MTDH: variants seen among roughly 807,000 people sequenced by gnomAD.
The protein encoded by MTDH is protein LYRIC.
MTDH carries 34 observed loss-of-function variants against 72.7 expected under a neutral mutation model. That is an observed-to-expected ratio of 0.47 (90% confidence interval 0.36 to 0.62). The LOEUF (loss-of-function observed/expected upper bound fraction) is 0.62. Ranked by LOEUF, MTDH falls within the 20% of genes least tolerant of loss-of-function variation. The pLI is 0.00. For missense variants in MTDH, 677 were observed against 699.4 expected (o/e 0.97, Z 0.36); for synonymous variants, 266 against 268.9 (o/e 0.99, Z 0.10).
At chr8:97,718,577 A>G (rs1319374534) in intron 9 of MTDH, among the ~76,000 whole-genome samples, 1 of 150,212 alleles carries the variant, frequency 6.7e-6, no homozygotes, top group South Asian at 2.1e-4. Context: ...CTGGAGTGCA[A>G]TGGTGCGATC....
At chr8:97,711,778 TA>T (rs1211941336) in intron 8 of MTDH, among the ~76,000 whole-genome samples, 1 of 152,220 alleles carries the variant, frequency 6.6e-6, no homozygotes, top group Non-Finnish European at 1.5e-5. Flanking sequence ...ACAGTAATCA[TA>T]AAAGTTATAA....
At chr8:97,675,761 C>T (rs1812818110) in intron 2 of MTDH, among the ~76,000 whole-genome samples, 1 of 149,194 alleles carries the variant, frequency 6.7e-6, no homozygotes, top group Non-Finnish European at 1.5e-5. Context: ...AGTCCCAGCT[C>T]CTTCGGAGGC....
Position 97,722,964 on chromosome 8 carries a change from T to G in MTDH, c.1607T>G (p.Val536Gly). The G allele has an allele frequency of 1.9e-6, 3 of 1,614,148 alleles. No homozygotes were observed. The highest frequency in any genetic ancestry group is 2.5e-6 in the Non-Finnish European group (3 of 1,179,986). Residue 536 changes from valine to glycine, a missense_variant, in exon 11 of 12, where the codon GTG becomes GGG. Physicochemically the swap from Val to Gly is moderately radical, Grantham distance 109. Around this residue, in one of 3 missense-constraint regions of MTDH, gnomAD observed 201 missense variants for 204.5 expected, o/e 0.98. Transcript: ENST00000336273. ...KSDSDKSSSQ[V>G]PPILQETDKS... The stretch of plus-strand genomic sequence containing the variant: ...GATTCTGACAAGAGCTCTTCCCAAG[T>G]GCCGCCAATACTACAAGAGACAGAT...
At chr8:97,670,970 T>TG (rs1812596720) in intron 2 of MTDH, among the ~76,000 whole-genome samples, 1 of 140,378 alleles carries the variant, frequency 7.1e-6, no homozygotes, top group African/African-American at 2.6e-5. Flanking sequence ...TTTTTTTTTT[T>TG]TTTTTTGAGA....
chr8:97,693,458 T>C (rs1262573277), intron 6 of MTDH, among the ~76,000 whole-genome samples: 1 of 152,008 alleles, frequency 6.6e-6, no homozygotes, highest in Non-Finnish European at 1.5e-5. Flanking sequence ...CTCAGCCTCC[T>C]AAGTAGCTGG....
chr8:97,703,264 T>G (rs945407505), intron 7 of MTDH, among the ~76,000 whole-genome samples: 1 of 152,124 alleles, frequency 6.6e-6, no homozygotes, highest in Non-Finnish European at 1.5e-5. Context: ...GAGTCTGAAG[T>G]GGAAGATCAC....
rs544898775 is a variant in MTDH, at chr8:97,687,368, A to G, written c.569-61A>G. On this transcript the variant is annotated intron_variant, in intron 3 of 11. Transcript: ENST00000336273. ...GTGCTCCACCCCATATTCTCCCCCA[A>G]AACTATAACTTTTTTGTCTTCCCCT... 1.0e-5 allele frequency: 15 copies of G among 1,460,276 alleles called. No homozygotes were observed. The African/African-American group carries it at 2.0e-4, about 19-fold the overall frequency. 90.5% of individuals were successfully genotyped at this position (1,460,276 alleles called of 1,614,324 possible).
chr8:97,680,272 G>C (rs1176574602), intron 2 of MTDH, among the ~76,000 whole-genome samples: 1 of 151,978 alleles, frequency 6.6e-6, no homozygotes, highest in Non-Finnish European at 1.5e-5. Context: ...CAGTTTTGCC[G>C]TGTTGCCCAG....
In MTDH at chr8:97,682,247, TATATATATATATATATATATATATATATA is replaced by T. The variant is rs1563542304; in HGVS notation, c.484-4420_484-4392del. ...TAATTACTTTATATATATATATATA[TATATATATATATATATATATATATATATA>T]TATATTTTTTTTTTTTTTTTTTTTT... On this transcript the variant is annotated intron_variant, in intron 2 of 11. Coordinates refer to ENST00000336273, the MANE Select transcript of MTDH (RefSeq NM_178812.4). Among the ~76,000 whole-genome samples, 30 of 6,760 alleles carry T rather than the reference TATATATATATATATATATATATATATATA, an allele frequency of 4.4e-3. 1 individual carries two copies. The highest frequency in any genetic ancestry group is 8.0e-3 in the Non-Finnish European group (25 of 3,132). The allele number at this position is 6,760 out of a possible 152,430, so 4.4% of individuals were successfully genotyped here.
intron 8 of MTDH, among the ~76,000 whole-genome samples, chr8:97,708,302 G>A (rs1359226358): frequency 1.4e-4 from 7 of 50,904 alleles, no homozygotes; most frequent in South Asian, 6.6e-4. Context: ...TTTTTTTTGA[G>A]ATGGAGTTTC....
intron 1 of MTDH, among the ~76,000 whole-genome samples, chr8:97,648,298 T>C (rs1811638751): frequency 6.6e-6 from 1 of 151,744 alleles, no homozygotes; most frequent in Non-Finnish European, 1.5e-5. Flanking sequence ...TTTTTGGAAA[T>C]TATTATCTTG....
intron 1 of MTDH, among the ~76,000 whole-genome samples, chr8:97,653,715 T>C (rs1811860505): frequency 6.6e-6 from 1 of 152,222 alleles, no homozygotes; most frequent in East Asian, 1.9e-4. Flanking sequence ...TTTTAAATTA[T>C]TATTCAAGCA....
At chr8:97,692,691 A>G (rs1369772150) in intron 6 of MTDH, among the ~76,000 whole-genome samples, 3 of 151,742 alleles carry the variant, frequency 2.0e-5, no homozygotes, top group Non-Finnish European at 4.4e-5. Flanking sequence ...TTTTTTAACC[A>G]TTGTAGATAA....
At chr8:97,711,883 A>G (rs1814654025) in intron 8 of MTDH, among the ~76,000 whole-genome samples, 1 of 152,264 alleles carries the variant, frequency 6.6e-6, no homozygotes, top group African/African-American at 2.4e-5. Context: ...GACCGCAGGT[A>G]ACTGAAACTG....
At chr8:97,703,523 G>A (rs1814222182) in intron 7 of MTDH, among the ~76,000 whole-genome samples, 1 of 152,282 alleles carries the variant, frequency 6.6e-6, no homozygotes, top group South Asian at 2.1e-4. Flanking sequence ...TAGAGACATG[G>A]CTTATGGACG....
chr8:97,644,494 G>C lies in MTDH; in HGVS notation c.-13G>C. 6.4e-7 allele frequency: 1 copy of C among 1,563,672 alleles called. No individual in the cohort carries two copies. The highest frequency in any genetic ancestry group is 8.6e-7 in the Non-Finnish European group (1 of 1,162,840). On this transcript the variant is annotated 5_prime_UTR_variant, in exon 1 of 12. Coordinates refer to ENST00000336273, the MANE Select transcript of MTDH (RefSeq NM_178812.4). ...CCGGCGTCATCCTGCGAGTCCCTCT[G>C]ACGGGAGGGAAGATGGCTGCACGGA...
chr8:97,661,057 T>C lies in MTDH; in HGVS notation c.382-15T>C, dbSNP rs760162759. 1.9e-6 allele frequency: 3 copies of C among 1,607,526 alleles called. No homozygotes were observed. The highest frequency in any genetic ancestry group is 3.4e-5 in the Admixed American group (2 of 59,696). On this transcript the variant is annotated splice_polypyrimidine_tract_variant and intron_variant, in intron 1 of 11. Coordinates refer to ENST00000336273, the MANE Select transcript of MTDH (RefSeq NM_178812.4). ...AAGCAGTTTGATAATATGATACTTT[T>C]TGTTGCCTGTGCAGCCAAATGGGCG...
intron 2 of MTDH, among the ~76,000 whole-genome samples, chr8:97,662,532 T>C (rs1379331845): frequency 6.7e-6 from 1 of 148,256 alleles, no homozygotes; most frequent in Non-Finnish European, 1.5e-5. Context: ...ACGCCTGTAA[T>C]CCCAGCACTT....
chr8:97,703,270 A>G (rs2131039996), intron 7 of MTDH, among the ~76,000 whole-genome samples: 1 of 152,320 alleles, frequency 6.6e-6, no homozygotes, highest in Middle Eastern at 3.4e-3. Context: ...GAAGTGGAAG[A>G]TCACTTGAGC....
Sources: allele counts gnomAD v4.1 joint callset (sites outside exome capture counted in the v4.1 genomes callset), GRCh38; gene constraint gnomAD v4.1.1; regional missense constraint gnomAD v4.1.1; transcripts MANE v1.5; gene names NCBI Gene and HGNC (gene_info 2026-07-23, HGNC 2026-07-21).